The following SLU7 variants were observed in gnomAD, a reference collection of about 807,000 sequenced individuals.
The protein encoded by SLU7 is spliceosome associated SLU7.
A neutral mutation model predicts 87.0 loss-of-function variants in SLU7; 60 were observed. That is an observed-to-expected ratio of 0.69 (90% CI 0.56 to 0.86). The LOEUF is 0.86. SLU7 is among the 40% of genes least tolerant of loss of function. SLU7 has a pLI of 0.00. For missense variants in SLU7, 507 were observed against 686.6 expected, an observed-to-expected ratio of 0.74 and a Z score of 2.92; for synonymous variants, 197 against 222.0, an observed-to-expected ratio of 0.89 and a Z score of 1.00.
intron 1 of SLU7, chr5:160,418,747 CG>C (rs1419080198): frequency 2.6e-5 from 4 of 152,202 alleles, no homozygotes; most frequent in African/African-American, 7.2e-5. Context: ...GCTCGCAGTC[CG>C]GGGATTGCTC....
Position 160,413,936 on chromosome 5 carries a change from C to G in SLU7, c.368G>C (p.Cys123Ser). 1 of 1,601,918 alleles carries G rather than the reference C, an allele frequency of 6.2e-7. No individual in the cohort carries two copies. The highest frequency in any genetic ancestry group is 8.5e-7 in the Non-Finnish European group (1 of 1,175,440). The change falls in exon 4 of 16, where the codon TGT becomes TCT. Residue 123 changes from cysteine to serine, a missense_variant. Cys to Ser is a moderately radical substitution (Grantham distance 112, BLOSUM62 -1). Around this residue, in one of 6 missense-constraint regions of SLU7, gnomAD observed 155 missense variants for 154.4 expected, o/e 1.00. Transcript: ENST00000297151. ...TTTCTTTTTGTGTGTCATGGCCCCA[C>G]AATTTTCACATGCTCCTTTGCGGTA... ...TKYRKGACEN[C>S]GAMTHKKKDC...
chr5:160,417,168 T>G (rs2910194), intron 1 of SLU7: 1 of 151,906 alleles, frequency 6.6e-6, no homozygotes, highest in Non-Finnish European at 1.5e-5. Flanking sequence ...TGAAAACAGA[T>G]TAATACAATG....
At chr5:160,409,292 C>A (rs1765137788) in intron 6 of SLU7, among the ~76,000 whole-genome samples, 1 of 152,096 alleles carries the variant, frequency 6.6e-6, no homozygotes, top group Non-Finnish European at 1.5e-5. Flanking sequence ...CTCCTTGTCA[C>A]AAGGATACAC....
chr5:160,404,503 CTTCT>C lies in SLU7; in HGVS notation c.1514_1517del (p.Lys505ArgfsTer20). ...TATCTGAACTGCTCTTTCGATGCTT[CTTCT>C]TTTTCTTTTTCTTCTTCTTCTTTTC... On this transcript the variant is annotated frameshift_variant, in exon 15 of 16. Transcript: ENST00000297151. LOFTEE classifies it high-confidence loss of function. 3 of 1,611,930 alleles carry C rather than the reference CTTCT, an allele frequency of 1.9e-6. No individual in the cohort carries two copies. The highest frequency in any genetic ancestry group is 1.7e-6 in the Non-Finnish European group (2 of 1,179,042).
At chr5:160,417,246 G>A (rs1765494889) in intron 1 of SLU7, 1 of 152,122 alleles carries the variant, frequency 6.6e-6, no homozygotes, top group South Asian at 2.1e-4. Context: ...CACCATCTAA[G>A]AGAAATACAA....
intron 12 of SLU7, 115 bp downstream of exon 12, chr5:160,406,348 ATTTTT>A: frequency 1.6e-6 from 1 of 617,598 alleles, no homozygotes; most frequent in Non-Finnish European, 2.4e-6. Context: ...AACAGTTAAA[ATTTTT>A]TTTTTTTTTT....
rs867076508 is a variant in SLU7 at position 160,407,140 on chromosome 5, C to T, written c.1125+336G>A. 1.3e-5 allele frequency among the ~76,000 whole-genome samples: 2 copies of T among 152,236 alleles called. No individual in the cohort carries two copies. The highest frequency in any genetic ancestry group is 1.5e-5 in the Non-Finnish European group (1 of 68,042). On this transcript the variant is annotated intron_variant, in intron 11 of 15. Transcript: ENST00000297151. This position sits in a 1 kb window ranked among gnomAD's most constrained non-coding sequence, Gnocchi z 4.2. ...GGAGATGAGCTGTCCCAGAAGAGGT[C>T]CCCTTAGGACAATTAGCCTGTTAAC...
intron 12 of SLU7, 128 bp from the exon 13 acceptor site, chr5:160,405,263 AG>A: frequency 1.5e-6 from 1 of 649,154 alleles, no homozygotes; most frequent in Non-Finnish European, 2.7e-6. Context: ...TGGGGATTCA[AG>A]GCTGGCTAAC....
chr5:160,414,054 T>C, intron 3 of SLU7, 75 bp from the exon 4 acceptor site: 1 of 937,484 alleles, frequency 1.1e-6, no homozygotes, highest in Non-Finnish European at 1.6e-6. Flanking sequence ...CTCATTACTA[T>C]TTTGTCTAGG....
At position 160,407,469 on chromosome 5, in the gene SLU7, A is replaced by G. The variant is rs1484532886; in HGVS notation, c.1125+7T>C. 1 of 1,601,790 alleles carries G rather than the reference A, an allele frequency of 6.2e-7. No homozygotes were observed. The highest frequency in any genetic ancestry group is 1.3e-5 in the African/African-American group (1 of 74,196). On this transcript the variant is annotated splice_region_variant and intron_variant, in intron 11 of 15. Coordinates refer to ENST00000297151, the MANE Select transcript of SLU7 (RefSeq NM_006425.5). This position sits in a 1 kb window ranked among gnomAD's most constrained non-coding sequence, Gnocchi z 4.2. ...AAGTTCTTCTTTAGCATTTTGGTCA[A>G]AATTACCTTTTCCAGGATGCTTTCT...
At position 160,402,342 on chromosome 5, in the gene SLU7, A is replaced by G. The variant is rs1358626510; in HGVS notation, c.*943T>C. On this transcript the variant is annotated 3_prime_UTR_variant, in exon 16 of 16. Coordinates refer to ENST00000297151, the MANE Select transcript of SLU7 (RefSeq NM_006425.5). ...TAAAAGACCTACTACTGATCAGTCA[A>G]TATTGACCCAATGATGAGAAAATAG... The G allele has an allele frequency of 1.3e-5, 2 of 152,314 alleles. No individual in the cohort carries two copies. Among genetic ancestry groups the G allele is most frequent in the East Asian group, 1.9e-4 (1 of 5,188 alleles). 9.4% of individuals were successfully genotyped at this position (152,314 alleles called of 1,614,324 possible). A position where few individuals can be genotyped will look rare whatever the true frequency, so the allele number is the denominator to read the frequency against.
chr5:160,416,137 GC>G (rs34531406), intron 1 of SLU7, among the ~76,000 whole-genome samples: 9,750 of 152,160 alleles, frequency 0.064, 460 homozygotes, highest in Non-Finnish European at 0.097. Context: ...CAGGCCATCT[GC>G]CCACCTTGGC....
At chr5:160,405,494 T>C (rs1449181880) in intron 12 of SLU7, among the ~76,000 whole-genome samples, 1 of 152,246 alleles carries the variant, frequency 6.6e-6, no homozygotes, top group African/African-American at 2.4e-5. Context: ...CTCCAGTTTG[T>C]ACAATTTGCC....
At chr5:160,408,623 T>C (rs1245565003) in intron 7 of SLU7, 27 bp downstream of exon 7, 3 of 1,474,476 alleles carry the variant, frequency 2.0e-6, no homozygotes, top group African/African-American at 1.4e-5. Context: ...ATTTAACATA[T>C]ACTCAGAGAC....
intron 4 of SLU7, 63 bp downstream of exon 4, chr5:160,413,836 C>T (rs920702527): frequency 8.2e-7 from 1 of 1,224,288 alleles, no homozygotes; most frequent in Non-Finnish European, 1.2e-6. Context: ...GAAGTTAGCT[C>T]TCTGACAAAG....
chr5:160,410,870 CTT>C (rs67739399), intron 6 of SLU7, among the ~76,000 whole-genome samples: 2 of 145,688 alleles, frequency 1.4e-5, no homozygotes. Flanking sequence ...GGCAAATTCA[CTT>C]TTTTTTTTTT....
chr5:160,414,221 T>C, intron 3 of SLU7, 98 bp downstream of exon 3: 1 of 967,810 alleles, frequency 1.0e-6, no homozygotes, highest in African/African-American at 1.7e-5. Context: ...AGGGTTTTAT[T>C]ATCTGTTTCT....
chr5:160,416,555 C>T (rs1765465134), intron 1 of SLU7, among the ~76,000 whole-genome samples: 1 of 152,178 alleles, frequency 6.6e-6, no homozygotes, highest in South Asian at 2.1e-4. Flanking sequence ...ATCTCCTACT[C>T]TTCCCTATCT....
intron 15 of SLU7, among the ~76,000 whole-genome samples, chr5:160,404,134 T>C (rs997901625): frequency 6.6e-6 from 1 of 152,106 alleles, no homozygotes; most frequent in Non-Finnish European, 1.5e-5. Context: ...GAGGATGAGG[T>C]GGGCAGTTCA....
Sources: gnomAD v4.1 joint callset for allele counts (sites outside exome capture counted in the v4.1 genomes callset) on GRCh38, gnomAD v4.1.1 for gene constraint, gnomAD v4.1.1 regional missense constraint, Gnocchi (gnomAD v3.1) non-coding constraint, MANE v1.5 for transcripts, NCBI Gene and HGNC (gene_info 2026-07-23, HGNC 2026-07-21) for gene names.